Variants in KCNJ6 observed in about 807,000 individuals in gnomAD.
The protein encoded by KCNJ6 is G protein-activated inward rectifier potassium channel 2.
KCNJ6 carries 9 observed loss-of-function variants against 34.2 expected under a neutral mutation model. The observed-to-expected ratio is 0.26, with a 90% confidence interval of 0.16 to 0.46. The LOEUF (loss-of-function observed/expected upper bound fraction) is 0.46. Among genes scored for constraint, KCNJ6 ranks in the 20% least tolerant of loss-of-function variants. The pLI is 1.00. For missense variants in KCNJ6, 236 were observed against 531.3 expected (o/e 0.44, Z 5.46); for synonymous variants, 196 against 207.1 (o/e 0.95, Z 0.46).
At chr21:37,813,526 AAAC>A (rs2055332598) in intron 2 of KCNJ6, among the ~76,000 whole-genome samples, 2 of 152,352 alleles carry the variant, frequency 1.3e-5, no homozygotes, top group Middle Eastern at 3.4e-3. Context: ...ACAGTAACAA[AAAC>A]AACAGGGTAC....
intron 3 of KCNJ6, among the ~76,000 whole-genome samples, chr21:37,650,620 G>A (rs1569437781): frequency 6.6e-6 from 1 of 152,184 alleles, no homozygotes; most frequent in South Asian, 2.1e-4. Context: ...ATCTCAGCCA[G>A]CTTTCCTTCA....
chr21:37,897,738 A>G (rs2055796103), intron 1 of KCNJ6, among the ~76,000 whole-genome samples: 1 of 152,164 alleles, frequency 6.6e-6, no homozygotes, highest in Admixed American at 6.5e-5. Context: ...TCCTGGCTCA[A>G]CCAGGGGTCC....
At chr21:37,809,250 T>C (rs2123540287) in intron 2 of KCNJ6, among the ~76,000 whole-genome samples, 1 of 152,064 alleles carries the variant, frequency 6.6e-6, no homozygotes, top group African/African-American at 2.4e-5. Flanking sequence ...CTGGAAACCA[T>C]CATTCTCAGC....
In KCNJ6 at chr21:37,908,216, T is replaced by C. The variant is rs146770952; in HGVS notation, c.-28+7668A>G. Among the ~76,000 whole-genome samples, 157 of 152,356 alleles carry C rather than the reference T, an allele frequency of 1.0e-3. 1 individual carries two copies. Among genetic ancestry groups the C allele is most frequent in the African/African-American group, 3.6e-3 (150 of 41,592 alleles). ...TTTCTTCTGGTTCTTCCTCTCATAG[T>C]CTTCTCAGATATTTCTCCCTGACAT... On this transcript the variant is annotated intron_variant, in intron 1 of 3. Coordinates refer to ENST00000609713, the MANE Select transcript of KCNJ6 (RefSeq NM_002240.5).
chr21:37,755,565 T>C (rs2055020050), intron 2 of KCNJ6, among the ~76,000 whole-genome samples: 1 of 152,242 alleles, frequency 6.6e-6, no homozygotes, highest in Admixed American at 6.5e-5. Context: ...CTGTGTGTGC[T>C]TTGCCATGAG....
At chr21:37,881,424 G>A (rs995724167) in intron 1 of KCNJ6, among the ~76,000 whole-genome samples, 1 of 152,006 alleles carries the variant, frequency 6.6e-6, no homozygotes, top group African/African-American at 2.4e-5. Context: ...GCCTATAGAT[G>A]GGCAGACCTC....
rs576276707 is a variant in KCNJ6, at chr21:37,895,193, A to G, written c.-28+20691T>C. 9.2e-5 allele frequency among the ~76,000 whole-genome samples: 14 copies of G among 152,364 alleles called. No individual in the cohort carries two copies. The South Asian group carries it at 1.9e-3, about 20-fold the overall frequency. ...AACCCAAATAATAGCCCTGGGATTT[A>G]GAGATGAGCAGGAGAAGGGCTTTTC... On this transcript the variant is annotated intron_variant, in intron 1 of 3. Coordinates refer to ENST00000609713, the MANE Select transcript of KCNJ6 (RefSeq NM_002240.5).
chr21:37,664,201 A>T (rs1432504223), intron 3 of KCNJ6, among the ~76,000 whole-genome samples: 2 of 152,186 alleles, frequency 1.3e-5, no homozygotes, highest in African/African-American at 4.8e-5. Context: ...TTTTGGGGTA[A>T]AACTGACTCT....
chr21:37,885,518 T>G (rs1360673291), intron 1 of KCNJ6, among the ~76,000 whole-genome samples: 3 of 152,146 alleles, frequency 2.0e-5, no homozygotes, highest in Admixed American at 6.5e-5. Flanking sequence ...CCTGAGCACT[T>G]CAAAGTGACC....
At chr21:37,758,220 T>A (rs2055041201) in intron 2 of KCNJ6, among the ~76,000 whole-genome samples, 1 of 152,240 alleles carries the variant, frequency 6.6e-6, no homozygotes, top group Non-Finnish European at 1.5e-5. Flanking sequence ...TCTGCAGATG[T>A]CTGTGAGGCT....
intron 2 of KCNJ6, among the ~76,000 whole-genome samples, chr21:37,830,914 G>T (rs908458417): frequency 6.6e-6 from 1 of 152,192 alleles, no homozygotes; most frequent in Non-Finnish European, 1.5e-5. Context: ...GGAGGGAATT[G>T]CATTCTTATT....
At position 37,805,047 on chromosome 21, in the gene KCNJ6, A is replaced by G. The variant is rs138264524; in HGVS notation, c.25+35611T>C. 6.4e-3 allele frequency among the ~76,000 whole-genome samples: 970 copies of G among 152,352 alleles called. 6 individuals carry two copies. The highest frequency in any genetic ancestry group is 0.024 in the Middle Eastern group (7 of 294). ...GACCATCTATTGTGCAAGTCTATTT[A>G]TATGAAATATTCACAACAGGAAATC... On this transcript the variant is annotated intron_variant, in intron 2 of 3. Coordinates refer to ENST00000609713, the MANE Select transcript of KCNJ6 (RefSeq NM_002240.5).
At chr21:37,765,287 G>A (rs1327010592) in intron 2 of KCNJ6, among the ~76,000 whole-genome samples, 1 of 152,174 alleles carries the variant, frequency 6.6e-6, no homozygotes, top group East Asian at 1.9e-4. Flanking sequence ...GCCATGGTGG[G>A]ATATGGATAC....
At chr21:37,683,629 G>A (rs968020442) in intron 3 of KCNJ6, among the ~76,000 whole-genome samples, 2 of 152,204 alleles carry the variant, frequency 1.3e-5, no homozygotes, top group Non-Finnish European at 2.9e-5. Flanking sequence ...TTGTTCGTTT[G>A]CATGAAAAGG....
At chr21:37,899,233 T>C (rs2055804774) in intron 1 of KCNJ6, among the ~76,000 whole-genome samples, 1 of 152,220 alleles carries the variant, frequency 6.6e-6, no homozygotes, top group South Asian at 2.1e-4. Context: ...TTTTTGTCTT[T>C]TGTGTATAAT....
chr21:37,833,716 G>A (rs2123570259), intron 2 of KCNJ6, among the ~76,000 whole-genome samples: 1 of 152,230 alleles, frequency 6.6e-6, no homozygotes, highest in Middle Eastern at 3.4e-3. Flanking sequence ...TTTTGTTATT[G>A]CAACATAACT....
chr21:37,626,810 G>A (rs1350741830), intron 3 of KCNJ6, among the ~76,000 whole-genome samples: 1 of 152,134 alleles, frequency 6.6e-6, no homozygotes, highest in African/African-American at 2.4e-5. Context: ...TTTAAAATCA[G>A]AAAAAGATAA....
intron 1 of KCNJ6, among the ~76,000 whole-genome samples, chr21:37,868,613 C>T (rs1014170918): frequency 6.6e-6 from 1 of 152,130 alleles, no homozygotes; most frequent in African/African-American, 2.4e-5. Context: ...GAGGAAGTAG[C>T]GGTCCATGCA....
At chr21:37,687,672 T>C (rs1341847486) in intron 3 of KCNJ6, among the ~76,000 whole-genome samples, 2 of 152,236 alleles carry the variant, frequency 1.3e-5, no homozygotes, top group Non-Finnish European at 2.9e-5. Context: ...CTCCCTTTAT[T>C]TGCTGCTTTG....
Sources: allele counts gnomAD v4.1 joint callset (sites outside exome capture counted in the v4.1 genomes callset), GRCh38; gene constraint gnomAD v4.1.1; transcripts MANE v1.5; gene names NCBI Gene and HGNC (gene_info 2026-07-23, HGNC 2026-07-21).